NOL9: variants seen among roughly 807,000 people sequenced by gnomAD.
The protein encoded by NOL9 is nucleolar protein 9.
Under a neutral mutation model 67.9 loss-of-function variants are expected in NOL9, and 28 were observed. That is an observed-to-expected ratio of 0.41 (90% CI 0.31 to 0.57). The LOEUF is 0.57. Ranked by LOEUF, NOL9 falls within the 20% of genes least tolerant of loss-of-function variation. The pLI, the probability that NOL9 is intolerant of heterozygous loss-of-function variation, is 0.25. For missense variants in NOL9, 777 were observed against 897.0 expected (o/e 0.87, Z 1.71); for synonymous variants, 356 against 352.2 (o/e 1.01, Z -0.12).
chr1:6,530,833 G>A (rs1639008358), intron 9 of NOL9, among the ~76,000 whole-genome samples: 1 of 152,270 alleles, frequency 6.6e-6, no homozygotes, highest in Admixed American at 6.5e-5. Context: ...CACAGAGCAA[G>A]CGCTCAAAAC....
rs1638795672 is a variant in NOL9, at chr1:6,522,631, A to T, written c.*3223T>A. On this transcript the variant is annotated 3_prime_UTR_variant, in exon 12 of 12. Coordinates refer to ENST00000377705, the MANE Select transcript of NOL9 (RefSeq NM_024654.5). ...CCAGGCGCAGTGGCTCACGCCTGTA[A>T]TCCCAGCACTTTCGGAGGCCAAGGC... is the stretch of plus-strand genomic sequence containing the variant. The T allele has an allele frequency of 6.6e-6, 1 of 151,930 alleles. No individual in the cohort carries two copies. 9.4% of individuals were successfully genotyped at this position (151,930 alleles called of 1,614,324 possible).
chr1:6,529,046 C>A lies in NOL9; in HGVS notation c.1773G>T (p.Thr591=). ...CKIQDDVRGY[T]NGPILLAQTP... ...TCTGGGCAAGCAGGATGGGCCCATT[C>A]GTGTATCCTCTGACGTCATCCTGGA... Residue 591 remains threonine, a synonymous_variant, in exon 10 of 12, where the codon ACG becomes ACT. Transcript: ENST00000377705. The A allele has an allele frequency of 1.2e-6, 2 of 1,614,052 alleles. No individual in the cohort carries two copies. Among genetic ancestry groups the A allele is most frequent in the Non-Finnish European group, 8.5e-7 (1 of 1,180,024 alleles).
In NOL9 at chr1:6,545,086, C is replaced by G. The variant is rs2148660045; in HGVS notation, c.839G>C (p.Ser280Thr). Reference protein sequence around the residue: ...KKRKGLQLTESTLSALEELVN... With the variant: ...KKRKGLQLTETTLSALEELVN... ...TAACTCTTCCAGGGCTGAAAGGGTA[C>G]TCTCAGTTAACTGAAGGCCTTTCCT... The change falls in exon 4 of 12, where the codon AGT becomes ACT. Residue 280 changes from serine to threonine, a missense_variant. Coordinates refer to ENST00000377705, the MANE Select transcript of NOL9 (RefSeq NM_024654.5). 1 of 1,614,206 alleles carries G rather than the reference C, an allele frequency of 6.2e-7. No homozygotes were observed. The highest frequency in any genetic ancestry group is 1.3e-5 in the African/African-American group (1 of 75,054).
chr1:6,537,960 C>T (rs116487997), intron 6 of NOL9, among the ~76,000 whole-genome samples: 1,258 of 125,366 alleles, frequency 0.01, 18 homozygotes, highest in African/African-American at 0.036. Context: ...CGTCTGCACT[C>T]CAGCCTGGGC....
In NOL9 at chr1:6,544,828, A is replaced by G. The variant is rs1259993990; in HGVS notation, c.975T>C (p.Asn325=). 1.9e-6 allele frequency: 3 copies of G among 1,613,936 alleles called. No homozygotes were observed. The highest frequency in any genetic ancestry group is 2.2e-5 in the South Asian group (2 of 91,058). The change falls in exon 5 of 12, where the codon AAT becomes AAC. Residue 325 remains asparagine (N), a splice_region_variant and synonymous_variant. Transcript: ENST00000377705. ...AGCCATAAGAAAAGCACTCTTACCTATTTAACAAATGGTTAATCAGGTATC... is the reference window on the plus strand; with the variant it reads ...AGCCATAAGAAAAGCACTCTTACCTGTTTAACAAATGGTTAATCAGGTATC... The part of the protein sequence containing the change: ...FNRYLINHLL[N]SLPCVDYLEC...
chr1:6,540,799 C>T (rs963938835), intron 6 of NOL9: 1 of 151,728 alleles, frequency 6.6e-6, no homozygotes, highest in Non-Finnish European at 1.5e-5. Flanking sequence ...GCACTCTAGC[C>T]TGCCTAGGTG....
At chr1:6,528,650 G>A (rs576560386) in intron 10 of NOL9, among the ~76,000 whole-genome samples, 6 of 152,218 alleles carry the variant, frequency 3.9e-5, no homozygotes, top group Admixed American at 3.3e-4. Flanking sequence ...GGTTTGGAAC[G>A]CAGACGAACA....
chr1:6,551,093 C>G (rs1256543470), intron 1 of NOL9, among the ~76,000 whole-genome samples: 1 of 152,190 alleles, frequency 6.6e-6, no homozygotes, highest in Non-Finnish European at 1.5e-5. Context: ...AGGAGGATCA[C>G]TTGAGCCCAG....
chr1:6,523,579 CAAAAAAAAAAAA>C lies in NOL9; in HGVS notation c.*2263_*2274del, dbSNP rs35288271. On this transcript the variant is annotated 3_prime_UTR_variant, in exon 12 of 12. Coordinates refer to ENST00000377705, the MANE Select transcript of NOL9 (RefSeq NM_024654.5). ...GGGCAACAAGAGCGAAACTCCATCT[CAAAAAAAAAAAA>C]AAAAAAAAAAAAGGATAAAAAGGCC... 2 of 51,454 alleles carry C rather than the reference CAAAAAAAAAAAA, an allele frequency of 3.9e-5. No homozygotes were observed. Among genetic ancestry groups the C allele is most frequent in the Admixed American group, 6.2e-4 (2 of 3,220 alleles). 3.2% of individuals were successfully genotyped at this position (51,454 alleles called of 1,614,324 possible).
intron 10 of NOL9, 59 bp from the exon 11 acceptor site, chr1:6,526,888 T>G: frequency 6.6e-7 from 1 of 1,515,144 alleles, no homozygotes; most frequent in Non-Finnish European, 8.9e-7. Flanking sequence ...AACTTCTCCA[T>G]CGTTAGAAAC....
At chr1:6,526,188 C>T (rs900926347) in intron 11 of NOL9, among the ~76,000 whole-genome samples, 185 bp from the exon 12 acceptor site, 1 of 152,136 alleles carries the variant, frequency 6.6e-6, no homozygotes, top group African/African-American at 2.4e-5. Context: ...AACAAACGTG[C>T]CAAGGCCTCC....
chr1:6,535,662 T>G (rs576214417), intron 6 of NOL9, among the ~76,000 whole-genome samples: 22 of 152,142 alleles, frequency 1.4e-4, no homozygotes, highest in Non-Finnish European at 2.6e-4. Context: ...CATGGTGGCT[T>G]ACACCTATAA....
intron 6 of NOL9, among the ~76,000 whole-genome samples, chr1:6,540,062 C>T (rs912826603): frequency 1.2e-4 from 18 of 149,580 alleles, no homozygotes; most frequent in Non-Finnish European, 2.5e-4. Flanking sequence ...CTCGGCTCAC[C>T]GCAACCTCTC....
intron 11 of NOL9, among the ~76,000 whole-genome samples, chr1:6,526,454 T>A (rs1638886223): frequency 6.6e-6 from 1 of 152,198 alleles, no homozygotes; most frequent in East Asian, 1.9e-4. Flanking sequence ...CCTACTCCTA[T>A]GTAAAGGCTC....
chr1:6,525,429 C>A lies in NOL9; in HGVS notation c.*425G>T, dbSNP rs751184891. The A allele has an allele frequency of 9.2e-5, 18 of 195,854 alleles. No individual in the cohort carries two copies. The highest frequency in any genetic ancestry group is 2.1e-5 in the Non-Finnish European group (2 of 94,514). The allele number at this position is 195,854 out of a possible 1,614,324, so 12.1% of individuals were successfully genotyped here. A position where few individuals can be genotyped will look rare whatever the true frequency, so the allele number is the denominator to read the frequency against. ...ACCCCAGCTCTGCACATGGCTCAGGCAAGGCCCGTGGCGAGCCCTTGTATC... is the reference window on the plus strand; with the variant it reads ...ACCCCAGCTCTGCACATGGCTCAGGAAAGGCCCGTGGCGAGCCCTTGTATC... On this transcript the variant is annotated 3_prime_UTR_variant, in exon 12 of 12. Transcript: ENST00000377705.
At chr1:6,543,568 T>C (rs1030623870) in intron 5 of NOL9, among the ~76,000 whole-genome samples, 10 of 152,238 alleles carry the variant, frequency 6.6e-5, no homozygotes, top group South Asian at 4.1e-4. Context: ...TGGTGTGACA[T>C]AGCTCACTGT....
rs1639500586 is a variant in NOL9, at chr1:6,549,707, A to T, written c.617-9T>A. On this transcript the variant is annotated splice_polypyrimidine_tract_variant and intron_variant, in intron 2 of 11. Transcript: ENST00000377705. ...CGACCAACGCCTGTCATCTGTAAAG[A>T]GAAAAATAAACCACCTTAGAAGCAG... The T allele has an allele frequency of 6.2e-7, 1 of 1,612,640 alleles. No individual in the cohort carries two copies. Among genetic ancestry groups the T allele is most frequent in the Non-Finnish European group, 8.5e-7 (1 of 1,179,772 alleles).
rs1638823352 is a variant in NOL9 at position 6,523,910 on chromosome 1, G to GCAATTA, written c.*1938_*1943dup. The GCAATTA allele has an allele frequency of 6.6e-6, 1 of 152,240 alleles. No homozygotes were observed. Among genetic ancestry groups the GCAATTA allele is most frequent in the Non-Finnish European group, 1.5e-5 (1 of 68,048 alleles). 9.4% of individuals were successfully genotyped at this position (152,240 alleles called of 1,614,324 possible). ...AGGCAAACCTAGATTGAATGCAAAT[G>GCAATTA]CAATTACAGGGCACCAGTTTCATTC... is the stretch of plus-strand genomic sequence containing the variant. On this transcript the variant is annotated 3_prime_UTR_variant, in exon 12 of 12. Transcript: ENST00000377705.
intron 11 of NOL9, among the ~76,000 whole-genome samples, 184 bp downstream of exon 11, chr1:6,526,512 G>C (rs1029677227): frequency 2.0e-5 from 3 of 152,156 alleles, no homozygotes; most frequent in African/African-American, 7.2e-5. Context: ...CACCACGAGG[G>C]ACAGTGATTC....
Sources: allele counts gnomAD v4.1 joint callset (sites outside exome capture counted in the v4.1 genomes callset), GRCh38; gene constraint gnomAD v4.1.1; transcripts MANE v1.5; gene names NCBI Gene and HGNC (gene_info 2026-07-23, HGNC 2026-07-21).